LRRTM3: variants seen among roughly 807,000 people sequenced by gnomAD.
LRRTM3 encodes the protein leucine-rich repeat transmembrane neuronal protein 3.
Under a neutral mutation model 44.7 loss-of-function variants are expected in LRRTM3, and 24 were observed. That is an observed-to-expected ratio of 0.54 (90% CI 0.39 to 0.76). The LOEUF (loss-of-function observed/expected upper bound fraction) is 0.76. Among genes scored for constraint, LRRTM3 ranks in the 30% least tolerant of loss-of-function variants. The pLI is 0.00. For synonymous variants in LRRTM3, 277 were observed against 278.7 expected (o/e 0.99, Z 0.06); for missense variants, 587 against 702.2 (o/e 0.84, Z 1.85).
chr10:67,066,558 T>C (rs1244097868), intron 2 of LRRTM3, among the ~76,000 whole-genome samples: 3 of 146,822 alleles, frequency 2.0e-5, no homozygotes, highest in African/African-American at 7.5e-5. Flanking sequence ...AAAAGGTACA[T>C]ACACACCAAC....
chr10:67,044,563 A>T (rs1854609668), intron 2 of LRRTM3, among the ~76,000 whole-genome samples: 1 of 152,176 alleles, frequency 6.6e-6, no homozygotes, highest in Non-Finnish European at 1.5e-5. Context: ...TGCTCATTAT[A>T]AGAAGTGATA....
intron 2 of LRRTM3, among the ~76,000 whole-genome samples, chr10:67,074,967 A>G (rs1856672009): frequency 6.6e-6 from 1 of 152,172 alleles, no homozygotes; most frequent in South Asian, 2.1e-4. Context: ...TTGCATATTA[A>G]GCAATATCTG....
At chr10:66,992,240 T>C (rs1281429145) in intron 2 of LRRTM3, among the ~76,000 whole-genome samples, 1 of 152,210 alleles carries the variant, frequency 6.6e-6, no homozygotes, top group Non-Finnish European at 1.5e-5. Flanking sequence ...TTATTATTGA[T>C]TTAATTTTTA....
chr10:66,993,043 T>C (rs1207481043), intron 2 of LRRTM3, among the ~76,000 whole-genome samples: 1 of 152,142 alleles, frequency 6.6e-6, no homozygotes, highest in Non-Finnish European at 1.5e-5. Flanking sequence ...CATGATTTTG[T>C]GGGCAGCCAC....
At chr10:67,001,543 A>G (rs1564823505) in intron 2 of LRRTM3, among the ~76,000 whole-genome samples, 1 of 151,916 alleles carries the variant, frequency 6.6e-6, no homozygotes, top group African/African-American at 2.4e-5. Flanking sequence ...TTGAAGTAAA[A>G]CTTTCTAATT....
intron 2 of LRRTM3, among the ~76,000 whole-genome samples, chr10:67,043,731 T>C (rs1043857661): frequency 1.1e-4 from 17 of 152,188 alleles, no homozygotes; most frequent in Non-Finnish European, 4.4e-5. Context: ...TCTTTTCATC[T>C]ATCATTGGTA....
At chr10:67,038,127 G>A (rs1205337477) in intron 2 of LRRTM3, among the ~76,000 whole-genome samples, 1 of 152,072 alleles carries the variant, frequency 6.6e-6, no homozygotes, top group Non-Finnish European at 1.5e-5. Flanking sequence ...GTATTGTAGA[G>A]CAAGCATTTC....
intron 2 of LRRTM3, among the ~76,000 whole-genome samples, chr10:66,987,869 G>C (rs10762123): frequency 0.47 from 71,374 of 151,946 alleles, 17,277 homozygotes; most frequent in African/African-American, 0.55. Context: ...AGTTTACAAT[G>C]AATTAAAGGA....
chr10:67,019,050 T>C (rs1852830424), intron 2 of LRRTM3, among the ~76,000 whole-genome samples: 1 of 152,204 alleles, frequency 6.6e-6, no homozygotes, highest in South Asian at 2.1e-4. Flanking sequence ...ACATATCTAA[T>C]GAATACAGTG....
chr10:67,043,649 A>G (rs1255865289), intron 2 of LRRTM3, among the ~76,000 whole-genome samples: 1 of 152,100 alleles, frequency 6.6e-6, no homozygotes, highest in Non-Finnish European at 1.5e-5. Context: ...AACAGTTAAC[A>G]CCAATTCTTG....
intron 2 of LRRTM3, among the ~76,000 whole-genome samples, chr10:66,942,408 T>C (rs1165250180): frequency 1.3e-5 from 2 of 152,220 alleles, no homozygotes; most frequent in East Asian, 1.9e-4. Context: ...GTAACAATGT[T>C]GTTCAGCAAC....
intron 2 of LRRTM3, among the ~76,000 whole-genome samples, chr10:67,065,868 C>G (rs906657244): frequency 2.0e-5 from 3 of 151,734 alleles, no homozygotes; most frequent in African/African-American, 7.3e-5. Flanking sequence ...TCAGTAGGAC[C>G]TCAACTAAAA....
At chr10:67,024,428 G>C (rs1853225024) in intron 2 of LRRTM3, among the ~76,000 whole-genome samples, 1 of 152,108 alleles carries the variant, frequency 6.6e-6, no homozygotes, top group Admixed American at 6.6e-5. Flanking sequence ...ATCCTTAATT[G>C]TTCTGCAAAA....
At chr10:67,052,047 G>T (rs1046389593) in intron 2 of LRRTM3, among the ~76,000 whole-genome samples, 9 of 152,080 alleles carry the variant, frequency 5.9e-5, no homozygotes, top group Non-Finnish European at 1.0e-4. Flanking sequence ...GAGCCACCAC[G>T]CCTGGCCTAA....
rs1265353837 is a variant in LRRTM3 at position 66,927,785 on chromosome 10, T to G, written c.869T>G (p.Leu290Arg). 3 of 1,614,184 alleles carry G rather than the reference T, an allele frequency of 1.9e-6. No homozygotes were observed. Among genetic ancestry groups the G allele is most frequent in the African/African-American group, 1.3e-5 (1 of 75,026 alleles). ...LQRLNLDSNKLTFIGQEILDS... is the reference protein window; with the variant it reads ...LQRLNLDSNKRTFIGQEILDS... The stretch of plus-strand genomic sequence containing the variant: ...CGCCTCAACCTGGATTCCAACAAGC[T>G]CACATTTATTGGTCAAGAGATTTTG... The change falls in exon 2 of 3, where the codon CTC becomes CGC. Residue 290 changes from leucine (L) to arginine (R), a missense_variant. Coordinates refer to ENST00000361320, the MANE Select transcript of LRRTM3 (RefSeq NM_178011.5). The surrounding 1 kb of genome is among the most constrained non-coding windows in gnomAD (Gnocchi z 4.7).
Position 67,098,002 on chromosome 10 carries a change from G to C in LRRTM3, c.*206G>C. ...ACTTTGTAATTAGCTAAGTTGTGCA[G>C]TATTTTTTGACTTAAACAGAGTATG... is the stretch of plus-strand genomic sequence containing the variant. On this transcript the variant is annotated 3_prime_UTR_variant, in exon 3 of 3. Coordinates refer to ENST00000361320, the MANE Select transcript of LRRTM3 (RefSeq NM_178011.5). The C allele has an allele frequency of 1.8e-6, 1 of 568,712 alleles. No individual in the cohort carries two copies. Among genetic ancestry groups the C allele is most frequent in the East Asian group, 2.9e-5 (1 of 34,140 alleles). 35.2% of individuals were successfully genotyped at this position (568,712 alleles called of 1,614,324 possible).
At chr10:67,070,603 T>C (rs564701831) in intron 2 of LRRTM3, among the ~76,000 whole-genome samples, 15 of 152,006 alleles carry the variant, frequency 9.9e-5, no homozygotes, top group African/African-American at 3.6e-4. Context: ...GAAAATTAGC[T>C]GGGCATGGTG....
intron 2 of LRRTM3, among the ~76,000 whole-genome samples, chr10:66,950,361 A>ATT (rs201554861): frequency 4.6e-5 from 7 of 151,522 alleles, no homozygotes; most frequent in African/African-American, 1.7e-4. Context: ...AAAATCTTAC[A>ATT]TTTTTTTTGT....
intron 2 of LRRTM3, among the ~76,000 whole-genome samples, chr10:66,962,918 T>C (rs978836282): frequency 2.0e-5 from 3 of 152,146 alleles, no homozygotes; most frequent in Non-Finnish European, 4.4e-5. Context: ...GCCTGGTATG[T>C]TCACAGATCT....
Sources: gnomAD v4.1 joint callset for allele counts (sites outside exome capture counted in the v4.1 genomes callset) on GRCh38, gnomAD v4.1.1 for gene constraint, Gnocchi (gnomAD v3.1) non-coding constraint, MANE v1.5 for transcripts, NCBI Gene and HGNC (gene_info 2026-07-23, HGNC 2026-07-21) for gene names.